Variants in PBX1 observed in about 807,000 individuals in gnomAD.
The protein encoded by PBX1 is PBX homeobox 1, also known as pre-B-cell leukemia transcription factor 1.
PBX1 carries 6 observed loss-of-function variants against 53.4 expected under a neutral mutation model. The observed-to-expected ratio is 0.11, with a 90% confidence interval of 0.06 to 0.22. PBX1 has a LOEUF of 0.22. Ranked by LOEUF, PBX1 falls within the 10% of genes least tolerant of loss-of-function variation. The pLI is 1.00. For missense variants in PBX1, 251 were observed against 551.4 expected (o/e 0.46, Z 5.46); for synonymous variants, 204 against 212.3 (o/e 0.96, Z 0.34).
chr1:164,767,554 T>C (rs1432869036), intron 2 of PBX1, among the ~76,000 whole-genome samples: 3 of 151,954 alleles, frequency 2.0e-5, no homozygotes, highest in Admixed American at 6.6e-5. Context: ...TAACTCTCAG[T>C]TGCACAAGGA....
chr1:164,721,122 A>T (rs922510147), intron 2 of PBX1, among the ~76,000 whole-genome samples: 4 of 152,266 alleles, frequency 2.6e-5, no homozygotes, highest in African/African-American at 9.6e-5. Flanking sequence ...GCGAGTCTGT[A>T]AGCATTCTAG....
chr1:164,625,377 G>A (rs139408392), intron 2 of PBX1, among the ~76,000 whole-genome samples: 145 of 152,074 alleles, frequency 9.5e-4, no homozygotes, highest in African/African-American at 2.4e-3. Flanking sequence ...TTTTTTTCTC[G>A]GCTGTTCTTC....
chr1:164,751,581 C>T (rs71628348), intron 2 of PBX1, among the ~76,000 whole-genome samples: 48,634 of 137,846 alleles, frequency 0.35, 8,964 homozygotes, highest in South Asian at 0.61. Flanking sequence ...TATTGCCCCC[C>T]TTTTTTTTTT....
intron 2 of PBX1, among the ~76,000 whole-genome samples, chr1:164,569,068 G>A (rs902121107): frequency 1.3e-5 from 2 of 152,148 alleles, no homozygotes; most frequent in African/African-American, 2.4e-5. Context: ...CATTAAGTAG[G>A]TATTGGGGTG....
intron 2 of PBX1, among the ~76,000 whole-genome samples, chr1:164,787,172 C>T (rs1371099925): frequency 6.6e-6 from 1 of 152,122 alleles, no homozygotes; most frequent in African/African-American, 2.4e-5. Flanking sequence ...TTTGTGCCTA[C>T]AAATCAAACA....
intron 2 of PBX1, among the ~76,000 whole-genome samples, chr1:164,711,771 C>T (rs1663796040): frequency 6.6e-6 from 1 of 152,144 alleles, no homozygotes; most frequent in Non-Finnish European, 1.5e-5. Flanking sequence ...ATGTGGAAGG[C>T]TGAAGGAAGT....
chr1:164,692,578 C>T (rs1233000341), intron 2 of PBX1, among the ~76,000 whole-genome samples: 1 of 151,972 alleles, frequency 6.6e-6, no homozygotes, highest in African/African-American at 2.4e-5. Context: ...TAAAGTAACC[C>T]TTTCAAGAAA....
At chr1:164,752,323 TCTG>T (rs1231190693) in intron 2 of PBX1, among the ~76,000 whole-genome samples, 1 of 151,722 alleles carries the variant, frequency 6.6e-6, no homozygotes, top group African/African-American at 2.4e-5. Context: ...ATAATTTCCT[TCTG>T]CTGGTGCCAT....
chr1:164,827,221 G>A (rs78806266), intron 8 of PBX1, among the ~76,000 whole-genome samples: 1,567 of 152,288 alleles, frequency 0.01, 26 homozygotes, highest in African/African-American at 0.037. Context: ...GCCACATGTG[G>A]AATTGTAAGG....
At position 164,848,259 on chromosome 1, in the gene PBX1, C is replaced by A. The variant is rs1671665635; in HGVS notation, c.*1583C>A. 9.5e-7 allele frequency: 1 copy of A among 1,055,320 alleles called. No homozygotes were observed. Among genetic ancestry groups the A allele is most frequent in the Admixed American group, 5.4e-5 (1 of 18,372 alleles). 65.4% of individuals were successfully genotyped at this position (1,055,320 alleles called of 1,614,324 possible). A position where few individuals can be genotyped will look rare whatever the true frequency, so the allele number is the denominator to read the frequency against. On this transcript the variant is annotated 3_prime_UTR_variant, in exon 9 of 9. Coordinates refer to ENST00000420696, the MANE Select transcript of PBX1 (RefSeq NM_002585.4). ...TATTCTCAAAAGTCACCTGAGCTCA[C>A]CATCTTCATAGCCAACCCTACCAGT...
At chr1:164,835,205 A>T (rs1390428887) in intron 8 of PBX1, among the ~76,000 whole-genome samples, 1 of 150,948 alleles carries the variant, frequency 6.6e-6, no homozygotes, top group Non-Finnish European at 1.5e-5. Flanking sequence ...TAATCAATTT[A>T]TACTATAGAA....
chr1:164,671,617 T>C (rs57762783), intron 2 of PBX1, among the ~76,000 whole-genome samples: 23,578 of 152,118 alleles, frequency 0.15, 3,174 homozygotes, highest in African/African-American at 0.37. Flanking sequence ...GGCTGTTCTC[T>C]GTCCTTTGCT....
intron 2 of PBX1, among the ~76,000 whole-genome samples, chr1:164,618,306 G>T (rs926488584): frequency 2.1e-4 from 31 of 147,630 alleles, no homozygotes; most frequent in African/African-American, 6.2e-4. Context: ...GCGGGGGGGG[G>T]GGGGCACTCA....
At chr1:164,588,217 C>T (rs1474218401) in intron 2 of PBX1, among the ~76,000 whole-genome samples, 1 of 152,160 alleles carries the variant, frequency 6.6e-6, no homozygotes, top group African/African-American at 2.4e-5. Flanking sequence ...GTGAGATACA[C>T]CCGCCTGTAG....
intron 3 of PBX1, among the ~76,000 whole-genome samples, chr1:164,796,870 C>T (rs1336207568): frequency 6.6e-6 from 1 of 152,190 alleles, no homozygotes; most frequent in Non-Finnish European, 1.5e-5. Context: ...ACAATTGTAA[C>T]CCCAAGTATT....
intron 8 of PBX1, among the ~76,000 whole-genome samples, chr1:164,843,195 T>C (rs1671388803): frequency 6.6e-6 from 1 of 152,326 alleles, no homozygotes; most frequent in Non-Finnish European, 1.5e-5. Flanking sequence ...TTCTATCTTA[T>C]GATGGTTTTA....
At chr1:164,804,385 C>T (rs1669233118) in intron 4 of PBX1, among the ~76,000 whole-genome samples, 1 of 152,116 alleles carries the variant, frequency 6.6e-6, no homozygotes, top group Non-Finnish European at 1.5e-5. Flanking sequence ...CTTAGGAAAG[C>T]ATTGATCTAG....
chr1:164,820,279 G>GA (rs1167512522), intron 7 of PBX1, 95 bp downstream of exon 7: 9 of 733,844 alleles, frequency 1.2e-5, no homozygotes, highest in Admixed American at 2.3e-5. Context: ...GAGAGAGAGA[G>GA]AAAAACAGAT....
At chr1:164,828,985 A>G (rs1308191745) in intron 8 of PBX1, 1 of 152,222 alleles carries the variant, frequency 6.6e-6, no homozygotes, top group East Asian at 1.9e-4. Flanking sequence ...TCTTTTTCAC[A>G]TCTCTAAATA....
Sources: allele counts gnomAD v4.1 joint callset (sites outside exome capture counted in the v4.1 genomes callset), GRCh38; gene constraint gnomAD v4.1.1; transcripts MANE v1.5; gene names NCBI Gene and HGNC (gene_info 2026-07-23, HGNC 2026-07-21).